CNTN6: variants seen among roughly 807,000 people sequenced by gnomAD.
CNTN6 encodes the protein contactin 6.
A neutral mutation model predicts 122.8 loss-of-function variants in CNTN6; 137 were observed. The ratio of observed to expected loss-of-function variants is 1.12; its 90% CI spans 0.97 to 1.29. CNTN6 has a LOEUF of 1.29. Among genes scored for constraint, CNTN6 ranks in the 50% most tolerant of loss-of-function variants. The pLI is 0.00. For synonymous variants in CNTN6, 570 were observed against 426.0 expected (o/e 1.34, Z -4.16); for missense variants, 1,634 against 1,223.4 (o/e 1.34, Z -5.01).
At chr3:1,269,635 G>A (rs894696842) in intron 4 of CNTN6, among the ~76,000 whole-genome samples, 3 of 152,058 alleles carry the variant, frequency 2.0e-5, no homozygotes, top group African/African-American at 7.2e-5. Flanking sequence ...ATCAAATCCA[G>A]TCTGACATGT....
intron 1 of CNTN6, among the ~76,000 whole-genome samples, chr3:1,118,567 TCTTGAGGTCATGATTGGTGCA>T (rs1236493501): frequency 2.0e-5 from 3 of 152,154 alleles, no homozygotes; most frequent in African/African-American, 7.2e-5. Context: ...TATTCTTGTC[TCTTGAGGTCATGATTGGTGCA>T]CAGGTGGTCA....
chr3:1,233,706 G>A (rs2094385169), intron 4 of CNTN6, among the ~76,000 whole-genome samples: 1 of 122,308 alleles, frequency 8.2e-6, no homozygotes. Flanking sequence ...GTACACTCCA[G>A]TCTGGGCAAC....
At chr3:1,337,114 A>C (rs1459085838) in intron 11 of CNTN6, among the ~76,000 whole-genome samples, 1 of 152,168 alleles carries the variant, frequency 6.6e-6, no homozygotes, top group Non-Finnish European at 1.5e-5. Context: ...GACAAGGAAC[A>C]GAAAAAAATT....
intron 1 of CNTN6, among the ~76,000 whole-genome samples, chr3:1,098,210 A>G (rs989186525): frequency 7.9e-5 from 12 of 151,984 alleles, no homozygotes; most frequent in African/African-American, 1.2e-4. Flanking sequence ...CATTGTGCAC[A>G]TGTACCCTAA....
At chr3:1,262,448 C>T (rs1330390459) in intron 4 of CNTN6, among the ~76,000 whole-genome samples, 4 of 152,108 alleles carry the variant, frequency 2.6e-5, no homozygotes, top group Non-Finnish European at 5.9e-5. Flanking sequence ...TGGCAAGTGT[C>T]CTTCCTGTTC....
chr3:1,373,903 T>C (rs2126145030), intron 15 of CNTN6, 21 bp from the exon 16 acceptor site: 1 of 1,600,770 alleles, frequency 6.2e-7, no homozygotes, highest in East Asian at 2.2e-5. Context: ...CCTAGGTGCC[T>C]TAGTGTCTCA....
intron 16 of CNTN6, among the ~76,000 whole-genome samples, chr3:1,375,796 G>A (rs575794765): frequency 3.0e-4 from 46 of 152,082 alleles, no homozygotes; most frequent in African/African-American, 8.4e-4. Context: ...ATTTAAATAC[G>A]AAAAGGTATA....
intron 16 of CNTN6, among the ~76,000 whole-genome samples, chr3:1,375,376 C>T (rs141325712): frequency 2.2e-3 from 331 of 152,162 alleles, no homozygotes; most frequent in African/African-American, 7.7e-3. Flanking sequence ...TCAAACTCTA[C>T]TAACTGAAAA....
At chr3:1,305,000 A>AC (rs1308268874) in intron 7 of CNTN6, among the ~76,000 whole-genome samples, 3 of 151,746 alleles carry the variant, frequency 2.0e-5, no homozygotes, top group Non-Finnish European at 2.9e-5. Context: ...AAAAAAAAAA[A>AC]AAAACAAAAT....
chr3:1,123,565 T>G (rs2092043748), intron 1 of CNTN6, among the ~76,000 whole-genome samples: 1 of 152,074 alleles, frequency 6.6e-6, no homozygotes. Context: ...TTGCTGAATT[T>G]GTCCTTTAGT....
rs1206010281 is a variant in CNTN6 at position 1,115,793 on chromosome 3, A to T, written c.-83+22673A>T. On this transcript the variant is annotated intron_variant, in intron 1 of 22. Coordinates refer to ENST00000446702, the MANE Select transcript of CNTN6 (RefSeq NM_001289080.2). ...TAAACAAACAAAAGAACACCAACAG[A>T]GAATAAGAAAGAATTTGAGGACGTT... 3.3e-5 allele frequency among the ~76,000 whole-genome samples: 5 copies of T among 152,210 alleles called. No homozygotes were observed. The South Asian group carries it at 1.0e-3, about 32-fold the overall frequency.
intron 1 of CNTN6, among the ~76,000 whole-genome samples, chr3:1,106,226 C>T (rs561384855): frequency 2.0e-5 from 3 of 152,196 alleles, no homozygotes; most frequent in African/African-American, 7.2e-5. Context: ...GTAAAGTATA[C>T]ACAAGGTGTG....
At chr3:1,227,757 T>A in intron 3 of CNTN6, 61 bp from the exon 4 acceptor site, 1 of 1,542,590 alleles carries the variant, frequency 6.5e-7, no homozygotes, top group Non-Finnish European at 8.9e-7. Context: ...TACATGTTTT[T>A]TAAGACAAAG....
intron 2 of CNTN6, among the ~76,000 whole-genome samples, chr3:1,161,369 AGC>A (rs1278979138): frequency 6.6e-6 from 1 of 151,002 alleles, no homozygotes; most frequent in East Asian, 1.9e-4. Flanking sequence ...ACTGAAGCTT[AGC>A]TAGAGACATA....
chr3:1,313,666 C>T (rs1205766065), intron 7 of CNTN6, among the ~76,000 whole-genome samples: 2 of 152,060 alleles, frequency 1.3e-5, no homozygotes, highest in African/African-American at 4.8e-5. Flanking sequence ...TCAAAGATGT[C>T]CTCCCCAAGG....
At chr3:1,177,615 C>T (rs2093474786) in intron 2 of CNTN6, among the ~76,000 whole-genome samples, 1 of 151,992 alleles carries the variant, frequency 6.6e-6, no homozygotes. Context: ...CCTAAGAAAA[C>T]CTTTATTTCT....
chr3:1,338,875 G>A (rs1347587615), intron 11 of CNTN6, among the ~76,000 whole-genome samples: 1 of 152,070 alleles, frequency 6.6e-6, no homozygotes, highest in Non-Finnish European at 1.5e-5. Flanking sequence ...AATGGTTGAT[G>A]ACAGATCTTT....
At chr3:1,221,058 C>T (rs541930442) in intron 3 of CNTN6, among the ~76,000 whole-genome samples, 7 of 152,076 alleles carry the variant, frequency 4.6e-5, no homozygotes, top group African/African-American at 7.2e-5. Flanking sequence ...TCCAGGTAAC[C>T]GTACTTATGT....
chr3:1,253,259 A>T (rs2094699830), intron 4 of CNTN6, among the ~76,000 whole-genome samples: 1 of 152,134 alleles, frequency 6.6e-6, no homozygotes, highest in African/African-American at 2.4e-5. Context: ...GTGTTTTTGA[A>T]AGCAAAAGAA....
Sources: allele counts gnomAD v4.1 joint callset (sites outside exome capture counted in the v4.1 genomes callset), GRCh38; gene constraint gnomAD v4.1.1; transcripts MANE v1.5; gene names NCBI Gene and HGNC (gene_info 2026-07-23, HGNC 2026-07-21).